CLDN10: variants seen among roughly 807,000 people sequenced by gnomAD.
CLDN10 encodes the protein claudin 10, also known as claudin-10.
CLDN10 carries 15 observed loss-of-function variants against 22.9 expected under a neutral mutation model. The observed-to-expected ratio is 0.65, with a 90% CI of 0.44 to 1.01. CLDN10 has a LOEUF of 1.01. Among genes scored for constraint, CLDN10 ranks in the 50% least tolerant of loss-of-function variants. CLDN10 has a pLI of 0.00. For missense variants in CLDN10, 247 were observed against 287.8 expected (o/e 0.86, Z 1.03); for synonymous variants, 114 against 111.4 (o/e 1.02, Z -0.15).
chr13:95,549,079 C>T (rs186542927), upstream of CLDN10, among the ~76,000 whole-genome samples: 219 of 152,234 alleles, frequency 1.4e-3, no homozygotes, highest in Non-Finnish European at 2.6e-3. Flanking sequence ...TGACTTAGAC[C>T]TCAAAAGTAG....
At chr13:95,461,794 T>C (rs942447798) in intron 1 of CLDN10, among the ~76,000 whole-genome samples, 2 of 152,336 alleles carry the variant, frequency 1.3e-5, no homozygotes, top group Non-Finnish European at 2.9e-5. Flanking sequence ...CAGAACTTGT[T>C]CTTAATGAAA....
chr13:95,532,336 T>A (rs900748428), intron 1 of CLDN10, among the ~76,000 whole-genome samples: 1 of 151,942 alleles, frequency 6.6e-6, no homozygotes, highest in South Asian at 2.1e-4. Context: ...GAGCAAAAAA[T>A]TTGGACAGGC....
intron 1 of CLDN10, among the ~76,000 whole-genome samples, chr13:95,505,962 A>G (rs546140370): frequency 6.6e-6 from 1 of 150,700 alleles, no homozygotes; most frequent in East Asian, 2.0e-4. Context: ...CTGGTCTTGA[A>G]CTCCTGACCT....
At chr13:95,559,929 A>C (rs915031285) in intron 1 of CLDN10, among the ~76,000 whole-genome samples, 1 of 152,336 alleles carries the variant, frequency 6.6e-6, no homozygotes, top group Non-Finnish European at 1.5e-5. Context: ...ATTCCCCATA[A>C]ACCGCACTTC....
intron 1 of CLDN10, among the ~76,000 whole-genome samples, chr13:95,555,348 A>G (rs1038540991): frequency 6.6e-6 from 1 of 152,200 alleles, no homozygotes; most frequent in African/African-American, 2.4e-5. Flanking sequence ...GCGCCCAGCC[A>G]TCTTATCATT....
chr13:95,565,447 A>T (rs2043773596), intron 3 of CLDN10, among the ~76,000 whole-genome samples: 1 of 152,068 alleles, frequency 6.6e-6, no homozygotes, highest in Non-Finnish European at 1.5e-5. Context: ...ATTTTGGCCC[A>T]GCTATTTTTG....
At chr13:95,523,860 T>C (rs148620331) in intron 1 of CLDN10, among the ~76,000 whole-genome samples, 16 of 152,288 alleles carry the variant, frequency 1.1e-4, no homozygotes, top group Middle Eastern at 3.4e-3. Flanking sequence ...ATTAAGCAGT[T>C]TCCTTGACCT....
chr13:95,470,939 G>A (rs9652158), intron 1 of CLDN10, among the ~76,000 whole-genome samples: 1,990 of 152,228 alleles, frequency 0.013, 56 homozygotes, highest in African/African-American at 0.045. Context: ...CCCCTACTGC[G>A]GGCCCGGCTC....
intron 1 of CLDN10, among the ~76,000 whole-genome samples, chr13:95,514,371 A>C (rs1279461938): frequency 6.6e-6 from 1 of 152,154 alleles, no homozygotes; most frequent in Non-Finnish European, 1.5e-5. Context: ...AAACGTTAAC[A>C]ATCAGGGATT....
At chr13:95,554,127 C>T (rs971387198) in intron 1 of CLDN10, among the ~76,000 whole-genome samples, 3 of 152,128 alleles carry the variant, frequency 2.0e-5, no homozygotes, top group Non-Finnish European at 4.4e-5. Context: ...AAGGAATACG[C>T]ATCTAGTTTT....
rs1179766032 is a variant in CLDN10 at position 95,544,779 on chromosome 13, A to G, written c.215-15353A>G. Among the ~76,000 whole-genome samples, 7 of 151,726 alleles carry G rather than the reference A, an allele frequency of 4.6e-5. 1 individual carries two copies. In the East Asian group the frequency reaches 1.4e-3, roughly 29 times the overall value. On this transcript the variant is annotated intron_variant, in intron 1 of 4. Coordinates refer to the CLDN10 transcript ENST00000376873. ...ACCTAGATGAAATAGGGTAGTTTTCAACTTTTTTTTTTTTTGAGATGGACT... is the reference window on the plus strand; with the variant it reads ...ACCTAGATGAAATAGGGTAGTTTTCGACTTTTTTTTTTTTTGAGATGGACT...
intron 1 of CLDN10, among the ~76,000 whole-genome samples, chr13:95,546,211 C>A (rs150770581): frequency 3.3e-5 from 5 of 151,894 alleles, no homozygotes; most frequent in Non-Finnish European, 7.4e-5. Context: ...TTTGTTCACA[C>A]GCTGTAGATA....
chr13:95,525,886 T>G (rs2043275522), intron 1 of CLDN10, among the ~76,000 whole-genome samples: 2 of 152,170 alleles, frequency 1.3e-5, no homozygotes, highest in African/African-American at 4.8e-5. Flanking sequence ...CATCTAGCTT[T>G]GTGCGCCTGT....
intron 1 of CLDN10, among the ~76,000 whole-genome samples, chr13:95,468,450 G>A (rs2042599941): frequency 6.6e-6 from 1 of 152,202 alleles, no homozygotes; most frequent in Non-Finnish European, 1.5e-5. Context: ...GGCCAGGCCA[G>A]ATATGTGGCT....
intron 1 of CLDN10, among the ~76,000 whole-genome samples, chr13:95,466,595 T>C (rs1229909648): frequency 6.6e-6 from 1 of 151,864 alleles, no homozygotes; most frequent in Non-Finnish European, 1.5e-5. Flanking sequence ...TGAAATCATA[T>C]AGTTTAGGAA....
chr13:95,530,876 C>T (rs757123832), intron 1 of CLDN10, among the ~76,000 whole-genome samples: 7 of 151,884 alleles, frequency 4.6e-5, no homozygotes, highest in Non-Finnish European at 1.0e-4. Context: ...CTAGAAACAC[C>T]TCTAGCCCTT....
chr13:95,516,879 C>A (rs909938802), intron 1 of CLDN10, among the ~76,000 whole-genome samples: 1 of 152,076 alleles, frequency 6.6e-6, no homozygotes, highest in Admixed American at 6.6e-5. Flanking sequence ...TCTCCTACAT[C>A]CAGGCGTATG....
intron 1 of CLDN10, among the ~76,000 whole-genome samples, chr13:95,483,753 A>T (rs981099221): frequency 2.0e-5 from 3 of 152,196 alleles, no homozygotes; most frequent in Non-Finnish European, 4.4e-5. Flanking sequence ...CCAAGCCCTT[A>T]TGCTCCACCA....
intron 1 of CLDN10, among the ~76,000 whole-genome samples, chr13:95,528,931 G>C (rs989231102): frequency 6.6e-6 from 1 of 152,164 alleles, no homozygotes; most frequent in African/African-American, 2.4e-5. Flanking sequence ...AGTATGAATT[G>C]GTTGTCTACA....
Sources: allele counts gnomAD v4.1 joint callset (sites outside exome capture counted in the v4.1 genomes callset), GRCh38; gene constraint gnomAD v4.1.1; transcripts MANE v1.5; gene names NCBI Gene and HGNC (gene_info 2026-07-23, HGNC 2026-07-21).